DHX57: variants seen among roughly 807,000 people sequenced by gnomAD.
The protein encoded by DHX57 is putative ATP-dependent RNA helicase DHX57.
DHX57 carries 105 observed loss-of-function variants against 156.2 expected under a neutral mutation model. That is an observed-to-expected ratio of 0.67 (90% CI 0.57 to 0.79). The LOEUF (loss-of-function observed/expected upper bound fraction) is 0.79, where lower values mean the gene tolerates loss of function less well. DHX57 is among the 30% of genes least tolerant of loss of function. The pLI is 0.00. For synonymous variants in DHX57, 704 were observed against 595.6 expected, an observed-to-expected ratio of 1.18 and a Z score of -2.65; for missense variants, 1,847 against 1,661.9, an observed-to-expected ratio of 1.11 and a Z score of -1.94.
intron 9 of DHX57, among the ~76,000 whole-genome samples, chr2:38,851,384 T>C (rs1296106338): frequency 6.6e-6 from 1 of 152,230 alleles, no homozygotes; most frequent in Non-Finnish European, 1.5e-5. Flanking sequence ...GTCACCTTTC[T>C]ATATTCAACC....
Position 38,848,263 on chromosome 2 carries a change from A to G in DHX57, c.2164+6T>C. On this transcript the variant is annotated splice_donor_region_variant and intron_variant, in intron 10 of 23. Transcript: ENST00000457308. ...TGATACATATTTAATGATGCATTTTATTCACCTGGTATAGTAATAACGGGG... is the reference window on the plus strand; with the variant it reads ...TGATACATATTTAATGATGCATTTTGTTCACCTGGTATAGTAATAACGGGG... The G allele has an allele frequency of 6.3e-7, 1 of 1,576,192 alleles. No homozygotes were observed. Among genetic ancestry groups the G allele is most frequent in the Non-Finnish European group, 8.6e-7 (1 of 1,166,112 alleles).
chr2:38,821,547 G>C (rs1329364964), intron 17 of DHX57, among the ~76,000 whole-genome samples: 4 of 152,022 alleles, frequency 2.6e-5, no homozygotes, highest in Non-Finnish European at 5.9e-5. Context: ...ACAAAAATTA[G>C]CTGGGCATGG....
chr2:38,873,113 G>A (rs565802116), intron 1 of DHX57, among the ~76,000 whole-genome samples: 6 of 151,934 alleles, frequency 3.9e-5, no homozygotes, highest in Admixed American at 1.3e-4. Context: ...TCAGCCTCCC[G>A]AGTAGCTGGG....
rs189715404 is a variant in DHX57 at position 38,837,945 on chromosome 2, C to G, written c.2428G>C (p.Val810Leu). Residue 810 changes from valine (V) to leucine (L), a missense_variant and splice_region_variant, in exon 13 of 24, where the codon GTT becomes CTT. Physicochemically the swap from Val to Leu is conservative, Grantham distance 32 (BLOSUM62 1). Coordinates refer to ENST00000457308, the MANE Select transcript of DHX57 (RefSeq NM_198963.3). Reference protein sequence around the residue: ...FKQLLARYKGVSKSVIKTMSI... With the variant: ...FKQLLARYKGLSKSVIKTMSI... The stretch of plus-strand genomic sequence containing the variant: ...ATTGTTTTGATGACTGACTTGCTAA[C>G]CCCTGAAAGAAAGAAAGGTAAAAAT... The G allele has an allele frequency of 6.3e-7, 1 of 1,598,326 alleles. No homozygotes were observed. The highest frequency in any genetic ancestry group is 1.7e-5 in the Admixed American group (1 of 59,844).
intron 11 of DHX57, among the ~76,000 whole-genome samples, chr2:38,843,680 T>C (rs114206422): frequency 9.1e-4 from 139 of 152,314 alleles, no homozygotes; most frequent in African/African-American, 3.3e-3. Context: ...CTGGATAGTT[T>C]AATATTTGTT....
Position 38,871,789 on chromosome 2 carries a change from G to T in DHX57, c.-6-3378C>A, listed in dbSNP as rs531680195. On this transcript the variant is annotated intron_variant, in intron 1 of 23. Coordinates refer to ENST00000457308, the MANE Select transcript of DHX57 (RefSeq NM_198963.3). ...TAGCGTGGTCTCAGCTTACTGCAAG[G>T]TCTGCCTCCCTGGTTCATGCCATTC... Among the ~76,000 whole-genome samples the T allele has an allele frequency of 3.7e-3, 568 of 151,594 alleles. 4 individuals are homozygous for T. Among genetic ancestry groups the T allele is most frequent in the Non-Finnish European group, 6.6e-3 (451 of 67,902 alleles).
chr2:38,818,942 T>G lies in DHX57; in HGVS notation c.3406A>C (p.Lys1136Gln). The G allele has an allele frequency of 6.2e-7, 1 of 1,614,204 alleles. No homozygotes were observed. The highest frequency in any genetic ancestry group is 8.5e-7 in the Non-Finnish European group (1 of 1,180,030). ...QAYKGWQLST[K>Q]EGVRASYNYC... ...TTATAACTTGCACGCACGCCTTCTT[T>G]TGTACTTAGCTGCCATCCCTAAATT... is the stretch of plus-strand genomic sequence containing the variant. The change falls in exon 19 of 24, where the codon AAA (lysine) becomes CAA (glutamine). Residue 1136 changes from lysine to glutamine, a missense_variant. Physicochemically the swap from Lys to Gln is moderately conservative, Grantham distance 53 (BLOSUM62 1). Coordinates refer to ENST00000457308, the MANE Select transcript of DHX57 (RefSeq NM_198963.3).
At chr2:38,829,665 T>C (rs1671283711) in intron 13 of DHX57, among the ~76,000 whole-genome samples, 1 of 152,184 alleles carries the variant, frequency 6.6e-6, no homozygotes, top group Non-Finnish European at 1.5e-5. Context: ...GCAATCTTTC[T>C]GCTTTAGCCT....
intron 19 of DHX57, among the ~76,000 whole-genome samples, chr2:38,818,342 T>C (rs551159610): frequency 7.9e-5 from 12 of 152,194 alleles, no homozygotes; most frequent in African/African-American, 2.4e-4. Flanking sequence ...CTGGCCAGCA[T>C]GGTGAAACCC....
At chr2:38,807,669 C>T (rs1254635589) in intron 21 of DHX57, among the ~76,000 whole-genome samples, 10 of 143,254 alleles carry the variant, frequency 7.0e-5, no homozygotes, top group East Asian at 4.2e-4. Flanking sequence ...TTTTTTGAGA[C>T]GGAGTTTCGC....
At chr2:38,811,844 T>C (rs1217352021) in intron 21 of DHX57, among the ~76,000 whole-genome samples, 1 of 152,236 alleles carries the variant, frequency 6.6e-6, no homozygotes, top group Admixed American at 6.5e-5. Flanking sequence ...AACTATATTG[T>C]CACCTAAAAC....
In DHX57 at chr2:38,843,164, T is replaced by C; in HGVS notation, c.2266A>G (p.Ile756Val). ...GSPYMRSMKQ[I>V]SKEKLKARRN... ...CTTGCTTTAAGCTTTTCCTTTGAAATCTGTTTCATGGACCGCATATATGGG... is the reference window on the plus strand; with the variant it reads ...CTTGCTTTAAGCTTTTCCTTTGAAACCTGTTTCATGGACCGCATATATGGG... The change falls in exon 12 of 24, where the codon ATT (isoleucine) becomes GTT (valine). Residue 756 changes from isoleucine (I) to valine (V), a missense_variant. Ile to Val is a conservative substitution (Grantham distance 29). Coordinates refer to ENST00000457308, the MANE Select transcript of DHX57 (RefSeq NM_198963.3). 1 of 1,614,186 alleles carries C rather than the reference T, an allele frequency of 6.2e-7. No individual in the cohort carries two copies. The highest frequency in any genetic ancestry group is 1.3e-5 in the African/African-American group (1 of 75,066).
chr2:38,852,816 C>T (rs897047885), intron 9 of DHX57, among the ~76,000 whole-genome samples: 25 of 151,900 alleles, frequency 1.6e-4, no homozygotes, highest in African/African-American at 5.6e-4. Context: ...TTAATGACTT[C>T]TAATTTCATA....
At chr2:38,861,911 A>G (rs1673245722) in intron 4 of DHX57, 74 bp from the exon 5 acceptor site, 1 of 1,425,622 alleles carries the variant, frequency 7.0e-7, no homozygotes, top group African/African-American at 1.4e-5. Flanking sequence ...ATTCATTTAA[A>G]TATGCTTAGA....
intron 16 of DHX57, 110 bp downstream of exon 16, chr2:38,825,736 GT>G (rs1422856172): frequency 3.8e-6 from 4 of 1,043,696 alleles, no homozygotes; most frequent in Non-Finnish European, 5.7e-6. Flanking sequence ...GAGATTATTG[GT>G]GGTCATTCTT....
intron 21 of DHX57, chr2:38,810,774 G>T: frequency 1.2e-6 from 1 of 808,714 alleles, no homozygotes; most frequent in Non-Finnish European, 2.1e-6. Flanking sequence ...CCTGTTCCAT[G>T]GCAAAGCCCT....
rs771686044 is a variant in DHX57 at position 38,868,306 on chromosome 2, G to A, written c.100C>T (p.His34Tyr). 114 of 1,613,316 alleles carry A rather than the reference G, an allele frequency of 7.1e-5. No individual in the cohort carries two copies. Among genetic ancestry groups the A allele is most frequent in the Non-Finnish European group, 8.8e-5 (104 of 1,179,854 alleles). Residue 34 changes from histidine to tyrosine, a missense_variant, in exon 2 of 24, where the codon CAT becomes TAT. His to Tyr is a moderately conservative substitution (Grantham distance 83). Transcript: ENST00000457308. The stretch of plus-strand genomic sequence containing the variant: ...CCACCGCCACCGCCACCACTCCCAT[G>A]AGATTTACTGGCGTGACTCCTGCCT... ...RGGRSHASKS[H>Y]GSGGGGGGGG...
chr2:38,829,780 T>C (rs987351114), intron 13 of DHX57, among the ~76,000 whole-genome samples: 4 of 152,120 alleles, frequency 2.6e-5, no homozygotes, highest in Non-Finnish European at 4.4e-5. Context: ...GAAGACAATT[T>C]TATTAATAAA....
In DHX57 at chr2:38,856,333, T is replaced by C. The variant is rs369479962; in HGVS notation, c.1709+7A>G. ...GAAAGCTACAGATGAATAAACTGCA[T>C]TCTTACCCAGTCATACCACTTATGA... On this transcript the variant is annotated splice_region_variant and intron_variant, in intron 7 of 23. Transcript: ENST00000457308. 2.4e-5 allele frequency: 38 copies of C among 1,606,392 alleles called. No homozygotes were observed. The East Asian group carries it at 8.0e-4, about 34-fold the overall frequency.
Sources: gnomAD v4.1 joint callset for allele counts (sites outside exome capture counted in the v4.1 genomes callset) on GRCh38, gnomAD v4.1.1 for gene constraint, MANE v1.5 for transcripts, NCBI Gene and HGNC (gene_info 2026-07-23, HGNC 2026-07-21) for gene names.